Variants in INTS1 observed in about 807,000 individuals in gnomAD.
INTS1 encodes the protein integrator complex subunit 1.
In INTS1, 137 loss-of-function variants were observed where a neutral mutation model predicts 241.6. That is an observed-to-expected ratio of 0.57 (90% CI 0.49 to 0.65). The LOEUF is 0.65. Among genes scored for constraint, INTS1 ranks in the 30% least tolerant of loss-of-function variants. The probability of loss-of-function intolerance (pLI) is 0.00; values close to 1 mark genes in which losing one functional copy is unlikely to be tolerated. For missense variants in INTS1, 3,073 were observed against 3,032.2 expected, an observed-to-expected ratio of 1.01 and a Z score of -0.32; for synonymous variants, 1,692 against 1,337.8, an observed-to-expected ratio of 1.26 and a Z score of -5.78.
intron 43 of INTS1, 85 bp downstream of exon 43, chr7:1,472,978 TCGGACGGCC>T: frequency 1.2e-6 from 1 of 806,706 alleles, no homozygotes; most frequent in African/African-American, 1.7e-5. Context: ...TCGGGACGCC[TCGGACGGCC>T]CAGGGCTGGC....
chr7:1,472,338 G>C lies in INTS1; in HGVS notation c.6119C>G (p.Thr2040Ser), dbSNP rs752619551. 6 of 1,574,094 alleles carry C rather than the reference G, an allele frequency of 3.8e-6. No homozygotes were observed. Among genetic ancestry groups the C allele is most frequent in the Non-Finnish European group, 5.2e-6 (6 of 1,160,690 alleles). The change falls in exon 44 of 48, where the codon ACC becomes AGC. Residue 2040 changes from threonine to serine, a missense_variant. Coordinates refer to ENST00000404767, the MANE Select transcript of INTS1 (RefSeq NM_001080453.3). ...SLPLVSVSLF[T>S]PLTAAEMAPY... ...GGCCATCTCGGCCGCGGTCAGAGGG[G>C]TGAACAGGGAGACGCTGACCAGGGG...
At chr7:1,488,040 T>C (rs1411930641) in intron 18 of INTS1, 83 bp from the exon 19 acceptor site, 5 of 1,431,028 alleles carry the variant, frequency 3.5e-6, no homozygotes, top group African/African-American at 2.8e-5. Flanking sequence ...TCAAGGAGGG[T>C]AAAACCCCTA....
intron 45 of INTS1, 121 bp from the exon 46 acceptor site, chr7:1,471,345 A>G: frequency 9.0e-7 from 1 of 1,113,666 alleles, no homozygotes. Flanking sequence ...CCTATCCAGA[A>G]GGCAGGACGC....
At chr7:1,502,393 G>A (rs1242131618) in intron 3 of INTS1, among the ~76,000 whole-genome samples, 3 of 152,112 alleles carry the variant, frequency 2.0e-5, no homozygotes, top group African/African-American at 7.2e-5. Context: ...ACGGGACAGT[G>A]GTGAAGCTTA....
At chr7:1,478,281 T>C (rs2128534635) in intron 33 of INTS1, 85 bp downstream of exon 33, 5 of 1,449,556 alleles carry the variant, frequency 3.4e-6, no homozygotes, top group Non-Finnish European at 4.8e-6. Flanking sequence ...ACACTGTCCG[T>C]CCCCCACTGG....
At chr7:1,483,971 C>A in intron 25 of INTS1, 32 bp downstream of exon 25, 1 of 1,596,044 alleles carries the variant, frequency 6.3e-7, no homozygotes, top group Non-Finnish European at 8.6e-7. Context: ...ACCTCCTCGC[C>A]CTCACCCGGC....
At chr7:1,482,855 T>C in intron 26 of INTS1, 148 bp from the exon 27 acceptor site, 2 of 890,732 alleles carry the variant, frequency 2.2e-6, no homozygotes, top group Non-Finnish European at 3.4e-6. Flanking sequence ...AGGTGAGCAC[T>C]TGCTATGTGC....
chr7:1,492,825 G>A lies in INTS1; in HGVS notation c.2165+185C>T, dbSNP rs544104798. Among the ~76,000 whole-genome samples the A allele has an allele frequency of 7.3e-5, 11 of 150,704 alleles. No individual in the cohort carries two copies. In the South Asian group the frequency reaches 1.3e-3, roughly 17 times the overall value. ...AGCAGGCCCATGGGGAGTGGGGCGC[G>A]GGCTTACCCGGGCGGGAGTGGGGAG... On this transcript the variant is annotated intron_variant, in intron 16 of 47. Coordinates refer to ENST00000404767, the MANE Select transcript of INTS1 (RefSeq NM_001080453.3).
At chr7:1,471,459 C>T in intron 45 of INTS1, 112 bp downstream of exon 45, 1 of 1,242,564 alleles carries the variant, frequency 8.0e-7, no homozygotes. Flanking sequence ...AGCCCAGCCT[C>T]AGAGGACTCC....
rs367546986 is a variant in INTS1 at position 1,495,429 on chromosome 7, G to A, written c.1832+4C>T. 59 of 1,607,354 alleles carry A rather than the reference G, an allele frequency of 3.7e-5. No homozygotes were observed. Among genetic ancestry groups the A allele is most frequent in the African/African-American group, 5.3e-5 (4 of 74,818 alleles). On this transcript the variant is annotated splice_donor_region_variant and intron_variant, in intron 13 of 47. Transcript: ENST00000404767. ...ACAGGGGCTGTACAGGGCCCCAGCC[G>A]CACCAGTGCACGTAGTCCTTAGGGG...
At chr7:1,473,470 T>C in intron 42 of INTS1, 96 bp downstream of exon 42, 13 of 1,425,658 alleles carry the variant, frequency 9.1e-6, no homozygotes, top group Non-Finnish European at 1.2e-5. Context: ...AGGAGCAGCA[T>C]ATCTGACACG....
At position 1,474,307 on chromosome 7, in the gene INTS1, T is replaced by C. The variant is rs1380077839; in HGVS notation, c.5690A>G (p.Gln1897Arg). 3 of 1,608,328 alleles carry C rather than the reference T, an allele frequency of 1.9e-6. No individual in the cohort carries two copies. Among genetic ancestry groups the C allele is most frequent in the African/African-American group, 1.3e-5 (1 of 74,756 alleles). ...LLHGRTHLNF[Q>R]EFRQQNHLSC... Reference sequence around the variant, plus strand: ...CAGGTGGTTCTGCTGCCGGAACTCCTGGAAGTTGAGGTGGGTGCGGCCGTG... The same window carrying C: ...CAGGTGGTTCTGCTGCCGGAACTCCCGGAAGTTGAGGTGGGTGCGGCCGTG... The change falls in exon 41 of 48, where the codon CAG (glutamine) becomes CGG (arginine). Residue 1897 changes from glutamine to arginine, a missense_variant. By Grantham distance (43) the Gln-to-Arg change is conservative (BLOSUM62 1). Coordinates refer to ENST00000404767, the MANE Select transcript of INTS1 (RefSeq NM_001080453.3).
At chr7:1,471,924 G>A (rs978293894) in intron 44 of INTS1, among the ~76,000 whole-genome samples, 10 of 152,308 alleles carry the variant, frequency 6.6e-5, no homozygotes, top group South Asian at 2.1e-4. Context: ...GACTCCATCC[G>A]GGCCGCTCAG....
At chr7:1,472,243 C>G (rs1317048491) in intron 44 of INTS1, 30 bp downstream of exon 44, 2 of 1,502,210 alleles carry the variant, frequency 1.3e-6, no homozygotes, top group South Asian at 1.2e-5. Flanking sequence ...GGGCGCTGAC[C>G]TGGCGTGGGT....
chr7:1,492,486 C>G (rs1018828744), intron 16 of INTS1, among the ~76,000 whole-genome samples: 1 of 152,018 alleles, frequency 6.6e-6, no homozygotes, highest in Non-Finnish European at 1.5e-5. Flanking sequence ...CTTGGGGGAA[C>G]CAAAGAAGGT....
chr7:1,470,497 C>G lies in INTS1; in HGVS notation c.*80G>C. 1 of 1,135,312 alleles carries G rather than the reference C, an allele frequency of 8.8e-7. No individual in the cohort carries two copies. Among genetic ancestry groups the G allele is most frequent in the Non-Finnish European group, 1.2e-6 (1 of 811,836 alleles). 70.3% of individuals were successfully genotyped at this position (1,135,312 alleles called of 1,614,324 possible). A position where few individuals can be genotyped will look rare whatever the true frequency, so the allele number is the denominator to read the frequency against. On this transcript the variant is annotated 3_prime_UTR_variant, in exon 48 of 48. Coordinates refer to ENST00000404767, the MANE Select transcript of INTS1 (RefSeq NM_001080453.3). ...ACCTCCTCGGACAGACCAGCAACGC[C>G]CACGCTTCCTGGGCTTTGCCTCGAG... is the stretch of plus-strand genomic sequence containing the variant.
chr7:1,488,536 C>T (rs1359337890), intron 18 of INTS1, among the ~76,000 whole-genome samples: 5 of 152,136 alleles, frequency 3.3e-5, no homozygotes, highest in Non-Finnish European at 5.9e-5. Context: ...CACAGGCAGA[C>T]ACACACCCAG....
At position 1,480,964 on chromosome 7, in the gene INTS1, G is replaced by A. The variant is rs28632200; in HGVS notation, c.3851-31C>T. ...AACCGTAGCAGGGTCACACCTGGGC[G>A]CGGCCAGGGGCCAGGGAGCAGGTCC... On this transcript the variant is annotated intron_variant, in intron 28 of 47. Transcript: ENST00000404767. 1.5e-5 allele frequency: 22 copies of A among 1,514,430 alleles called. No individual in the cohort carries two copies. In the African/African-American group the frequency reaches 1.6e-4, roughly 11 times the overall value. The allele number at this position is 1,514,430 out of a possible 1,614,324, so 93.8% of individuals were successfully genotyped here.
chr7:1,485,376 G>A lies in INTS1; in HGVS notation c.3070C>T (p.Gln1024Ter), dbSNP rs1398804842. Reference protein sequence around the residue: ...EEDVGDTDVLQGYQWLLRDLP... With the variant: ...EEDVGDTDVL ...TCCCGCAGCAGCCACTGATAGCCCTGCAGCACATCTGTGTCCCCCACATCC... is the reference window on the plus strand; with the variant it reads ...TCCCGCAGCAGCCACTGATAGCCCTACAGCACATCTGTGTCCCCCACATCC... The change falls in exon 23 of 48, where the codon CAG (glutamine) becomes TAG (stop). Residue 1024 changes from glutamine to a stop codon, truncating the protein, a stop_gained. Coordinates refer to ENST00000404767, the MANE Select transcript of INTS1 (RefSeq NM_001080453.3). LOFTEE classifies it high-confidence loss of function. 1 of 1,612,720 alleles carries A rather than the reference G, an allele frequency of 6.2e-7. No homozygotes were observed. Among genetic ancestry groups the A allele is most frequent in the Non-Finnish European group, 8.5e-7 (1 of 1,179,804 alleles).
Sources: gnomAD v4.1 joint callset for allele counts (sites outside exome capture counted in the v4.1 genomes callset) on GRCh38, gnomAD v4.1.1 for gene constraint, MANE v1.5 for transcripts, NCBI Gene and HGNC (gene_info 2026-07-23, HGNC 2026-07-21) for gene names.